The following IFI44L variants were observed in gnomAD, a reference collection of about 807,000 sequenced individuals.
IFI44L encodes interferon induced protein 44 like, also known as interferon-induced protein 44-like.
A neutral mutation model predicts 39.3 loss-of-function variants in IFI44L; 40 were observed. The observed-to-expected ratio is 1.02, with a 90% CI of 0.79 to 1.33. The LOEUF (loss-of-function observed/expected upper bound fraction) is 1.33, where lower values mean the gene tolerates loss of function less well. Among genes scored for constraint, IFI44L ranks in the 40% most tolerant of loss-of-function variants. IFI44L has a pLI of 0.00. For synonymous variants in IFI44L, 198 were observed against 182.3 expected, an observed-to-expected ratio of 1.09 and a Z score of -0.69; for missense variants, 623 against 549.0, an observed-to-expected ratio of 1.13 and a Z score of -1.35.
chr1:78,625,745 T>A (rs1468469313), intron 1 of IFI44L: 1 of 151,998 alleles, frequency 6.6e-6, no homozygotes, highest in Non-Finnish European at 1.5e-5. Flanking sequence ...ATAATTAATT[T>A]TCAGCCTTTC....
chr1:78,637,628 A>G (rs1652999743), intron 6 of IFI44L, among the ~76,000 whole-genome samples: 1 of 152,052 alleles, frequency 6.6e-6, no homozygotes, highest in Non-Finnish European at 1.5e-5. Context: ...CTATTCCTCC[A>G]CCATCCTTAA....
intron 6 of IFI44L, among the ~76,000 whole-genome samples, chr1:78,638,768 A>C (rs1653044602): frequency 6.6e-6 from 1 of 152,116 alleles, no homozygotes; most frequent in African/African-American, 2.4e-5. Flanking sequence ...TGGTTGCTTT[A>C]GAATCCTTGC....
rs755823505 is a variant in IFI44L at position 78,641,618 on chromosome 1, G to T, written c.1324+9G>T. The T allele has an allele frequency of 6.2e-7, 1 of 1,612,786 alleles. No individual in the cohort carries two copies. The highest frequency in any genetic ancestry group is 1.1e-5 in the South Asian group (1 of 91,046). On this transcript the variant is annotated intron_variant, in intron 8 of 8. Coordinates refer to ENST00000370751, the MANE Select transcript of IFI44L (RefSeq NM_006820.4). ...GCCTCTTGAGGAAACTGGTAATCTG[G>T]CCCTTTTCTCCCCCTGTCATAGATC...
At chr1:78,641,665 CTAAGTTATACA>C in intron 8 of IFI44L, 56 bp downstream of exon 8, 1 of 1,609,220 alleles carries the variant, frequency 6.2e-7, no homozygotes, top group Non-Finnish European at 8.5e-7. Context: ...TTGAAAAATC[CTAAGTTATACA>C]TCAGTTATTA....
At chr1:78,623,751 C>T (rs911844372) in intron 1 of IFI44L, among the ~76,000 whole-genome samples, 1 of 152,074 alleles carries the variant, frequency 6.6e-6, no homozygotes, top group East Asian at 1.9e-4. Flanking sequence ...ACTGAGAGAG[C>T]TGGAGGTGTA....
chr1:78,633,157 C>T (rs1652815990), intron 4 of IFI44L, among the ~76,000 whole-genome samples: 1 of 152,202 alleles, frequency 6.6e-6, no homozygotes, highest in South Asian at 2.1e-4. Context: ...GCATCACCCC[C>T]CTCAACCCCA....
chr1:78,633,655 C>G (rs1652835575), intron 4 of IFI44L, among the ~76,000 whole-genome samples: 1 of 152,152 alleles, frequency 6.6e-6, no homozygotes, highest in Non-Finnish European at 1.5e-5. Flanking sequence ...TACATTGACA[C>G]ATTGTCACAA....
At chr1:78,621,080 C>T (rs1652256788) in intron 1 of IFI44L, 1 of 152,158 alleles carries the variant, frequency 6.6e-6, no homozygotes. Context: ...TAATACTTTG[C>T]TCTTTCATTT....
intron 3 of IFI44L, 119 bp downstream of exon 3, chr1:78,629,118 A>G (rs1652617469): frequency 1.4e-6 from 1 of 714,232 alleles, no homozygotes; most frequent in African/African-American, 1.8e-5. Context: ...AAAAAGAGTT[A>G]TAATGTTATT....
chr1:78,642,095 T>C lies in IFI44L; in HGVS notation c.*286T>C. The C allele has an allele frequency of 2.0e-6, 1 of 494,354 alleles. No individual in the cohort carries two copies. Among genetic ancestry groups the C allele is most frequent in the Non-Finnish European group, 3.6e-6 (1 of 277,546 alleles). The allele number at this position is 494,354 out of a possible 1,614,324, so 30.6% of individuals were successfully genotyped here. ...AATGAGATATTCTCTAATTTATTCTTCTATAACACTCTATATAGAGCTATG... is the reference window on the plus strand; with the variant it reads ...AATGAGATATTCTCTAATTTATTCTCCTATAACACTCTATATAGAGCTATG... On this transcript the variant is annotated 3_prime_UTR_variant, in exon 9 of 9. Transcript: ENST00000370751.
intron 4 of IFI44L, chr1:78,630,140 G>T: frequency 2.3e-6 from 1 of 434,054 alleles, no homozygotes; most frequent in Non-Finnish European, 4.2e-6. Context: ...ATACTTTTTA[G>T]TATTTGTATA....
chr1:78,640,901 G>C, intron 6 of IFI44L, 120 bp from the exon 7 acceptor site: 1 of 648,138 alleles, frequency 1.5e-6, no homozygotes. Flanking sequence ...GATGTATTGG[G>C]GATATTTCAT....
In IFI44L at chr1:78,623,407, T is replaced by G. The variant is rs868662197; in HGVS notation, c.-11+2836T>G. The stretch of plus-strand genomic sequence containing the variant: ...TTTAAGTGTTTTTTGTTTTTTTTTT[T>G]TTTTTTTTTTTTTTTTTTTAAATCA... On this transcript the variant is annotated intron_variant, in intron 1 of 8. Coordinates refer to ENST00000370751, the MANE Select transcript of IFI44L (RefSeq NM_006820.4). Among the ~76,000 whole-genome samples, 821 of 142,064 alleles carry G rather than the reference T, an allele frequency of 5.8e-3. 8 individuals carry two copies. Among genetic ancestry groups the G allele is most frequent in the South Asian group, 0.013 (58 of 4,608 alleles). 93.2% of individuals were successfully genotyped at this position (142,064 alleles called of 152,430 possible). A position where few individuals can be genotyped will look rare whatever the true frequency, so the allele number is the denominator to read the frequency against.
chr1:78,626,935 T>C (rs1243475927), intron 1 of IFI44L: 3 of 152,046 alleles, frequency 2.0e-5, no homozygotes, highest in African/African-American at 4.8e-5. Flanking sequence ...TGAGAGCATA[T>C]GGTTTTTGGT....
Position 78,644,132 on chromosome 1 carries a change from G to C in IFI44L, c.*2323G>C, listed in dbSNP as rs1223823911. On this transcript the variant is annotated 3_prime_UTR_variant, in exon 9 of 9. Coordinates refer to ENST00000370751, the MANE Select transcript of IFI44L (RefSeq NM_006820.4). Reference sequence around the variant, plus strand: ...GGTTGGGAGACTGAAGGTGATTGAAGGTTCACCATCATCCTCACCAACTTT... The same window carrying C: ...GGTTGGGAGACTGAAGGTGATTGAACGTTCACCATCATCCTCACCAACTTT... 1 of 152,068 alleles carries C rather than the reference G, an allele frequency of 6.6e-6. No homozygotes were observed. The highest frequency in any genetic ancestry group is 1.5e-5 in the Non-Finnish European group (1 of 68,014). 9.4% of individuals were successfully genotyped at this position (152,068 alleles called of 1,614,324 possible).
At chr1:78,638,198 A>G (rs1272253110) in intron 6 of IFI44L, among the ~76,000 whole-genome samples, 1 of 152,154 alleles carries the variant, frequency 6.6e-6, no homozygotes, top group Non-Finnish European at 1.5e-5. Flanking sequence ...ATGACATTGA[A>G]CATCTTCTCA....
intron 6 of IFI44L, 57 bp downstream of exon 6, chr1:78,637,260 G>A: frequency 1.5e-6 from 2 of 1,341,130 alleles, no homozygotes; most frequent in East Asian, 2.5e-5. Context: ...AGATTTGTAG[G>A]AAGTTGCAAA....
At position 78,644,382 on chromosome 1, in the gene IFI44L, A is replaced by G. The variant is rs529914757; in HGVS notation, c.*2573A>G. On this transcript the variant is annotated 3_prime_UTR_variant, in exon 9 of 9. Coordinates refer to ENST00000370751, the MANE Select transcript of IFI44L (RefSeq NM_006820.4). ...GGAGCATAAATGTTGACACTAAGTT[A>G]TCCCTTTTGTGCTAAAATGGACAGT... The G allele has an allele frequency of 6.6e-6, 1 of 152,342 alleles. No homozygotes were observed. Among genetic ancestry groups the G allele is most frequent in the South Asian group, 2.1e-4 (1 of 4,826 alleles). 9.4% of individuals were successfully genotyped at this position (152,342 alleles called of 1,614,324 possible).
chr1:78,621,002 AGCT>A (rs1377209717), intron 1 of IFI44L: 1 of 152,218 alleles, frequency 6.6e-6, no homozygotes, highest in Non-Finnish European at 1.5e-5. Flanking sequence ...CAATTTTGCT[AGCT>A]GTGTGTGAAG....
Sources: allele counts gnomAD v4.1 joint callset (sites outside exome capture counted in the v4.1 genomes callset), GRCh38; gene constraint gnomAD v4.1.1; transcripts MANE v1.5; gene names NCBI Gene and HGNC (gene_info 2026-07-23, HGNC 2026-07-21).